GPSM1: variants seen among roughly 807,000 people sequenced by gnomAD.
The protein encoded by GPSM1 is G protein-signaling modulator 1.
GPSM1 carries 48 observed loss-of-function variants against 70.5 expected under a neutral mutation model. That is an observed-to-expected ratio of 0.68 (90% CI 0.54 to 0.87). The LOEUF is 0.87. Among genes scored for constraint, GPSM1 ranks in the 40% least tolerant of loss-of-function variants. The probability of loss-of-function intolerance (pLI) is 0.00; values close to 1 mark genes in which losing one functional copy is unlikely to be tolerated. For missense variants in GPSM1, 981 were observed against 972.6 expected, an observed-to-expected ratio of 1.01 and a Z score of -0.11; for synonymous variants, 416 against 430.1, an observed-to-expected ratio of 0.97 and a Z score of 0.41.
chr9:136,336,943 A>G lies in GPSM1; in HGVS notation c.449A>G (p.Tyr150Cys). 1.3e-6 allele frequency: 2 copies of G among 1,557,274 alleles called. No homozygotes were observed. The highest frequency in any genetic ancestry group is 1.2e-5 in the South Asian group (1 of 84,460). The change falls in exon 4 of 14, where the codon TAC (tyrosine) becomes TGC (cysteine). Residue 150 changes from tyrosine to cysteine, a missense_variant. By Grantham distance (194) the Tyr-to-Cys change is radical. Coordinates refer to ENST00000440944, the MANE Select transcript of GPSM1 (RefSeq NM_001145638.3). ...CAGGTTGGGGAGGCGAGGGCCCTCT[A>G]CAACATCGGGAACGTGTACCACGCC... ...GDKVGEARAL[Y>C]NIGNVYHAKG...
In GPSM1 at chr9:136,358,289, G is replaced by A. The variant is rs1330937506; in HGVS notation, c.*69G>A. The A allele has an allele frequency of 3.7e-6, 5 of 1,341,596 alleles. No homozygotes were observed. Among genetic ancestry groups the A allele is most frequent in the South Asian group, 1.3e-5 (1 of 79,384 alleles). 83.1% of individuals were successfully genotyped at this position (1,341,596 alleles called of 1,614,324 possible). ...ACGCCGGTCTCACAGTCACAGCCAC[G>A]TCCTCCCGAGGCCATTGCCGAGGAC... On this transcript the variant is annotated 3_prime_UTR_variant, in exon 14 of 14. Coordinates refer to ENST00000440944, the MANE Select transcript of GPSM1 (RefSeq NM_001145638.3).
chr9:136,358,378 C>T lies in GPSM1; in HGVS notation c.*158C>T. The T allele has an allele frequency of 1.4e-6, 1 of 694,350 alleles. No homozygotes were observed. Among genetic ancestry groups the T allele is most frequent in the East Asian group, 3.0e-5 (1 of 33,716 alleles). The allele number at this position is 694,350 out of a possible 1,614,324, so 43.0% of individuals were successfully genotyped here. Reference sequence around the variant, plus strand: ...GGGCGACAGGCTCAGGCCAAGCTGCCCGTGGTGGGAGGGCGTGCTTCCATC... The same window carrying T: ...GGGCGACAGGCTCAGGCCAAGCTGCTCGTGGTGGGAGGGCGTGCTTCCATC... On this transcript the variant is annotated 3_prime_UTR_variant, in exon 14 of 14. Transcript: ENST00000440944.
chr9:136,353,787 G>A (rs1177109133), intron 11 of GPSM1, among the ~76,000 whole-genome samples: 2 of 152,134 alleles, frequency 1.3e-5, no homozygotes, highest in Non-Finnish European at 2.9e-5. Context: ...CTGTGCCCTA[G>A]GTCATCATAG....
At chr9:136,353,176 G>A (rs965576417) in intron 11 of GPSM1, 2 of 910,654 alleles carry the variant, frequency 2.2e-6, no homozygotes, top group African/African-American at 3.6e-5. Context: ...GGTCCCTGGG[G>A]TCCTAACAGG....
At chr9:136,338,103 C>T (rs959265777) in intron 6 of GPSM1, 142 bp downstream of exon 6, 36 of 626,628 alleles carry the variant, frequency 5.7e-5, no homozygotes, top group Non-Finnish European at 8.4e-5. Context: ...TAGGCTGCCC[C>T]GGGAAGGGCA....
At chr9:136,354,788 A>G in intron 11 of GPSM1, 1 of 983,142 alleles carries the variant, frequency 1.0e-6, no homozygotes, top group South Asian at 4.7e-5. Flanking sequence ...GTTCATTCAC[A>G]CAGCAGACAC....
At chr9:136,336,616 G>A (rs1190881797) in intron 3 of GPSM1, among the ~76,000 whole-genome samples, 1 of 152,198 alleles carries the variant, frequency 6.6e-6, no homozygotes, top group Non-Finnish European at 1.5e-5. Flanking sequence ...AAGGGGGCTT[G>A]AGGCCGCAGC....
Position 136,348,752 on chromosome 9 carries a change from A to G in GPSM1, c.1263A>G (p.Arg421=), listed in dbSNP as rs148088547. The change falls in exon 10 of 14, where the codon AGA becomes AGG. Residue 421 remains arginine, a synonymous_variant. Transcript: ENST00000440944. ...RLSAETWDLL[R]LPLEREQNGD... ...GCGCGGAGACCTGGGACCTGCTGAG[A>G]CTCCCCCTGGAGCGGGTGAGCCAGG... The G allele has an allele frequency of 2.9e-5, 46 of 1,611,140 alleles. No homozygotes were observed. The highest frequency in any genetic ancestry group is 5.4e-5 in the African/African-American group (4 of 74,658).
intron 10 of GPSM1, 57 bp from the exon 11 acceptor site, chr9:136,349,530 G>T: frequency 6.8e-7 from 1 of 1,471,478 alleles, no homozygotes; most frequent in Non-Finnish European, 9.2e-7. Flanking sequence ...CAGGGTCCTG[G>T]GATGGGGACA....
At position 136,358,672 on chromosome 9, in the gene GPSM1, C is replaced by CCACCG; in HGVS notation, c.*452_*453insCACCG. 7 of 225,250 alleles carry CCACCG rather than the reference C, an allele frequency of 3.1e-5. No homozygotes were observed. Among genetic ancestry groups the CCACCG allele is most frequent in the East Asian group, 1.6e-4 (1 of 6,132 alleles). 14.0% of individuals were successfully genotyped at this position (225,250 alleles called of 1,614,324 possible). On this transcript the variant is annotated 3_prime_UTR_variant, in exon 14 of 14. Transcript: ENST00000440944. Reference sequence around the variant, plus strand: ...AGCTGGTCTTGGGATGGCCGTGTGACAGGCATGCTCCACCCCTCCAGCTTC... The same window carrying CCACCG: ...AGCTGGTCTTGGGATGGCCGTGTGACCACCGAGGCATGCTCCACCCCTCCAGCTTC...
intron 8 of GPSM1, 88 bp downstream of exon 8, chr9:136,339,903 C>G (rs1554769915): frequency 6.7e-6 from 5 of 750,282 alleles, no homozygotes; most frequent in African/African-American, 4.5e-5. Context: ...CGAGCGTGTG[C>G]GTGCCTGGGC....
At chr9:136,334,413 G>T in intron 1 of GPSM1, 34 bp from the exon 2 acceptor site, 1 of 1,567,254 alleles carries the variant, frequency 6.4e-7, no homozygotes, top group East Asian at 2.3e-5. Context: ...GACTTTGCCA[G>T]GGCTGGGCCA....
At chr9:136,352,808 C>A (rs1384654798) in intron 11 of GPSM1, among the ~76,000 whole-genome samples, 3 of 152,250 alleles carry the variant, frequency 2.0e-5, no homozygotes, top group Non-Finnish European at 4.4e-5. Flanking sequence ...GGCTGTCTGC[C>A]CACACAGCCC....
chr9:136,355,016 G>C, intron 11 of GPSM1: 1 of 1,082,792 alleles, frequency 9.2e-7, no homozygotes, highest in Non-Finnish European at 1.1e-6. Flanking sequence ...GTCGGCGGGT[G>C]CCGAGGGTGA....
chr9:136,340,932 C>T lies in GPSM1; in HGVS notation c.1146C>T (p.Leu382=), dbSNP rs368420506. The T allele has an allele frequency of 7.7e-6, 12 of 1,567,496 alleles. No individual in the cohort carries two copies. Among genetic ancestry groups the T allele is most frequent in the East Asian group, 4.7e-5 (2 of 42,224 alleles). ...RMNVAQLQLV[L]GRLTSPAASE... Reference sequence around the variant, plus strand: ...ACGTGGCGCAGCTGCAGCTGGTGCTCGGCCGCCTGACCAGCCCGGCAGCCT... The same window carrying T: ...ACGTGGCGCAGCTGCAGCTGGTGCTTGGCCGCCTGACCAGCCCGGCAGCCT... The change falls in exon 9 of 14, where the codon CTC becomes CTT. Residue 382 remains leucine (L), a synonymous_variant. Transcript: ENST00000440944. This position sits in a 1 kb window ranked among gnomAD's most constrained non-coding sequence, Gnocchi z 7.3.
intron 10 of GPSM1, 117 bp from the exon 11 acceptor site, chr9:136,349,469 TG>T: frequency 1.1e-6 from 1 of 889,418 alleles, no homozygotes; most frequent in Non-Finnish European, 1.7e-6. Flanking sequence ...CTCTGGGTAC[TG>T]GGCACCTACG....
intron 9 of GPSM1, among the ~76,000 whole-genome samples, chr9:136,348,369 G>A (rs1173894845): frequency 6.6e-6 from 1 of 152,230 alleles, no homozygotes; most frequent in Non-Finnish European, 1.5e-5. Flanking sequence ...CAGGCAGAGG[G>A]AACAGCAGGA....
intron 7 of GPSM1, among the ~76,000 whole-genome samples, chr9:136,339,001 G>A (rs1466731021): frequency 1.3e-5 from 2 of 152,204 alleles, no homozygotes; most frequent in Non-Finnish European, 2.9e-5. Context: ...AGACAGGCTG[G>A]CAAACCACAG....
rs782430018 is a variant in GPSM1, at chr9:136,355,834, G to A, written c.1600G>A (p.Glu534Lys). 6 of 1,609,798 alleles carry A rather than the reference G, an allele frequency of 3.7e-6. No individual in the cohort carries two copies. The South Asian group carries it at 5.5e-5, about 15-fold the overall frequency. ...AAEATAAPTL[E>K]DRIAQPSMTA... ...CGAGGCCACGGCCGCCCCCACCCTG[G>A]AGGACAGGATCGGTGAGTGCCCCCC... The change falls in exon 12 of 14, where the codon GAG becomes AAG. Residue 534 changes from glutamate (E) to lysine (K), a missense_variant. By Grantham distance (56) the Glu-to-Lys change is moderately conservative. Coordinates refer to ENST00000440944, the MANE Select transcript of GPSM1 (RefSeq NM_001145638.3).
Sources: allele counts gnomAD v4.1 joint callset (sites outside exome capture counted in the v4.1 genomes callset), GRCh38; gene constraint gnomAD v4.1.1; non-coding constraint Gnocchi (gnomAD v3.1); transcripts MANE v1.5; gene names NCBI Gene and HGNC (gene_info 2026-07-23, HGNC 2026-07-21).